TRAPPC12: variants seen among roughly 807,000 people sequenced by gnomAD.
TRAPPC12 encodes TPR repeat protein 15.
A neutral mutation model predicts 69.2 loss-of-function variants in TRAPPC12; 61 were observed. The observed-to-expected ratio is 0.88, with a 90% CI of 0.72 to 1.09. The LOEUF is 1.09. Among genes scored for constraint, TRAPPC12 ranks in the 50% least tolerant of loss-of-function variants. The pLI, the probability that TRAPPC12 is intolerant of heterozygous loss-of-function variation, is 0.00. For missense variants in TRAPPC12, 1,101 were observed against 1,016.4 expected (o/e 1.08, Z -1.13); for synonymous variants, 469 against 438.9 (o/e 1.07, Z -0.86).
chr2:3,457,257 C>T (rs1297863643), intron 6 of TRAPPC12: 1 of 391,936 alleles, frequency 2.6e-6, no homozygotes, highest in African/African-American at 2.2e-5. Flanking sequence ...ATTGGATTCA[C>T]ATGGACAAAA....
intron 5 of TRAPPC12, among the ~76,000 whole-genome samples, chr2:3,433,902 A>G (rs1663607525): frequency 6.6e-6 from 1 of 151,814 alleles, no homozygotes; most frequent in African/African-American, 2.4e-5. Context: ...TTCCTTTCCA[A>G]TGCTCTTTCT....
chr2:3,457,046 TAC>T (rs761078849), intron 6 of TRAPPC12: 2 of 460,362 alleles, frequency 4.3e-6, no homozygotes, highest in Non-Finnish European at 8.8e-6. Context: ...TGGTGATGTT[TAC>T]AGTGTGTCCC....
At chr2:3,398,805 G>A (rs1184869415) in intron 2 of TRAPPC12, among the ~76,000 whole-genome samples, 1 of 152,234 alleles carries the variant, frequency 6.6e-6, no homozygotes, top group Non-Finnish European at 1.5e-5. Flanking sequence ...CCCAGATTGT[G>A]ATATATTCAT....
At chr2:3,450,436 C>G (rs1334895563) in intron 6 of TRAPPC12, among the ~76,000 whole-genome samples, 2 of 152,230 alleles carry the variant, frequency 1.3e-5, no homozygotes, top group African/African-American at 4.8e-5. Flanking sequence ...GTCAGGCTGA[C>G]AGTCTGGAAA....
At chr2:3,454,641 A>G (rs991373755) in intron 6 of TRAPPC12, 1 of 152,258 alleles carries the variant, frequency 6.6e-6, no homozygotes, top group African/African-American at 2.4e-5. Flanking sequence ...CTGTTTCTGC[A>G]TTTATGCATC....
At chr2:3,458,173 T>C (rs375455442) in intron 7 of TRAPPC12, 17 of 1,004,132 alleles carry the variant, frequency 1.7e-5, no homozygotes, top group Middle Eastern at 5.1e-4. Flanking sequence ...CCCTGGAGCA[T>C]TGGAAACCCC....
At chr2:3,434,664 C>T (rs933347228) in intron 5 of TRAPPC12, among the ~76,000 whole-genome samples, 5 of 152,310 alleles carry the variant, frequency 3.3e-5, no homozygotes, top group Admixed American at 3.3e-4. Flanking sequence ...TTGAGGGAAG[C>T]ATGAGAGAGG....
At chr2:3,427,942 G>A (rs1663209837) in intron 5 of TRAPPC12, among the ~76,000 whole-genome samples, 1 of 151,372 alleles carries the variant, frequency 6.6e-6, no homozygotes, top group Admixed American at 6.6e-5. Context: ...CTTTACCTTT[G>A]GCCATTCAGG....
At chr2:3,426,023 C>G (rs79913550) in intron 5 of TRAPPC12, among the ~76,000 whole-genome samples, 2,651 of 152,222 alleles carry the variant, frequency 0.017, 113 homozygotes, top group East Asian at 0.17. Flanking sequence ...CATGCTCTCT[C>G]CTTTATCATC....
intron 6 of TRAPPC12, 139 bp downstream of exon 6, chr2:3,444,030 C>A: frequency 1.6e-6 from 1 of 641,650 alleles, no homozygotes; most frequent in Non-Finnish European, 2.7e-6. Context: ...GCTAGGTGAC[C>A]CGGTTTGTGT....
intron 9 of TRAPPC12, chr2:3,467,715 CAT>C (rs1665880566): frequency 6.6e-6 from 1 of 152,288 alleles, no homozygotes; most frequent in African/African-American, 2.4e-5. Flanking sequence ...AGAACGACCA[CAT>C]ATCAGCCCAG....
rs186633931 is a variant in TRAPPC12, at chr2:3,406,123, C to T, written c.1164+4230C>T. Among the ~76,000 whole-genome samples, 15 of 152,286 alleles carry T rather than the reference C, an allele frequency of 9.8e-5. No individual in the cohort carries two copies. In the East Asian group the frequency reaches 1.5e-3, roughly 16 times the overall value. ...AGAGAAGCCAAACCTTCCCCAGAGA[C>T]GCTTCCCTCTCCTCCTTCCTCTGCA... is the stretch of plus-strand genomic sequence containing the variant. On this transcript the variant is annotated intron_variant, in intron 3 of 11. Transcript: ENST00000324266.
intron 5 of TRAPPC12, among the ~76,000 whole-genome samples, chr2:3,430,485 C>CA (rs1572147761): frequency 6.6e-6 from 1 of 152,176 alleles, no homozygotes; most frequent in Non-Finnish European, 1.5e-5. Context: ...TTTGGTGACT[C>CA]ACTCTTTCAT....
At position 3,443,845 on chromosome 2, in the gene TRAPPC12, A is replaced by G; in HGVS notation, c.1484A>G (p.Gln495Arg). ...CTTCAGCAGTACCTGGGGAACCCAC[A>G]GGAGTCGCTGGATAGACTGCACAAG... ...AELQQYLGNPQESLDRLHKVK... is the reference protein window; with the variant it reads ...AELQQYLGNPRESLDRLHKVK... The change falls in exon 6 of 12, where the codon CAG becomes CGG. Residue 495 changes from glutamine to arginine, a missense_variant. Physicochemically the swap from Gln to Arg is conservative, Grantham distance 43 (BLOSUM62 1). Coordinates refer to ENST00000324266, the MANE Select transcript of TRAPPC12 (RefSeq NM_016030.6). 6.2e-7 allele frequency: 1 copy of G among 1,614,152 alleles called. No individual in the cohort carries two copies. The highest frequency in any genetic ancestry group is 8.5e-7 in the Non-Finnish European group (1 of 1,180,044).
chr2:3,388,400 C>T lies in TRAPPC12; in HGVS notation c.777C>T (p.Arg259=). ...TCGCTGTGCCCGGGACCGAGGGGCG[C>T]CCCGAACCCGTGGCCATGCGAGGGC... ...PPLAVPGTEG[R]PEPVAMRGPQ... Residue 259 remains arginine, a synonymous_variant, in exon 2 of 12, where the codon CGC becomes CGT. Coordinates refer to ENST00000324266, the MANE Select transcript of TRAPPC12 (RefSeq NM_016030.6). 1 of 1,603,728 alleles carries T rather than the reference C, an allele frequency of 6.2e-7. No homozygotes were observed. The highest frequency in any genetic ancestry group is 8.5e-7 in the Non-Finnish European group (1 of 1,175,084).
intron 6 of TRAPPC12, among the ~76,000 whole-genome samples, chr2:3,452,138 TG>T (rs1161396484): frequency 6.6e-6 from 1 of 152,176 alleles, no homozygotes; most frequent in Non-Finnish European, 1.5e-5. Context: ...CAGCTGGGGC[TG>T]GAGAACTGGG....
Position 3,460,345 on chromosome 2 carries a change from G to A in TRAPPC12, c.1677+9G>A, listed in dbSNP as rs1166517340. 1.1e-6 allele frequency: 1 copy of A among 870,528 alleles called. No individual in the cohort carries two copies. Among genetic ancestry groups the A allele is most frequent in the Admixed American group, 1.7e-5 (1 of 59,054 alleles). 53.9% of individuals were successfully genotyped at this position (870,528 alleles called of 1,614,324 possible). On this transcript the variant is annotated intron_variant, in intron 8 of 11. Coordinates refer to ENST00000324266, the MANE Select transcript of TRAPPC12 (RefSeq NM_016030.6). ...GTCTGCTCCTGATGAAGGTACGTGGGTGGCCAAGCAGGGCTGCCATGTGAT... is the reference window on the plus strand; with the variant it reads ...GTCTGCTCCTGATGAAGGTACGTGGATGGCCAAGCAGGGCTGCCATGTGAT...
chr2:3,429,642 A>T (rs961347462), intron 5 of TRAPPC12, among the ~76,000 whole-genome samples: 1 of 152,134 alleles, frequency 6.6e-6, no homozygotes, highest in Non-Finnish European at 1.5e-5. Flanking sequence ...TGATTTTTCT[A>T]TGTTGCCCAC....
At chr2:3,390,848 A>G (rs1353481388) in intron 2 of TRAPPC12, among the ~76,000 whole-genome samples, 1 of 152,204 alleles carries the variant, frequency 6.6e-6, no homozygotes, top group Admixed American at 6.5e-5. Flanking sequence ...CAGGCAATAT[A>G]TGGAAGATCT....
Sources: allele counts gnomAD v4.1 joint callset (sites outside exome capture counted in the v4.1 genomes callset), GRCh38; gene constraint gnomAD v4.1.1; transcripts MANE v1.5; gene names NCBI Gene and HGNC (gene_info 2026-07-23, HGNC 2026-07-21).